Variants in MMP16 observed in about 807,000 individuals in gnomAD.
MMP16 encodes matrix metalloproteinase-16.
MMP16 carries 12 observed loss-of-function variants against 67.8 expected under a neutral mutation model. The observed-to-expected ratio is 0.18, with a 90% CI of 0.11 to 0.29. MMP16 has a LOEUF of 0.29. Among genes scored for constraint, MMP16 ranks in the 10% least tolerant of loss-of-function variants. The probability of loss-of-function intolerance (pLI) is 1.00; values close to 1 mark genes in which losing one functional copy is unlikely to be tolerated. For synonymous variants in MMP16, 249 were observed against 255.9 expected, an observed-to-expected ratio of 0.97 and a Z score of 0.26; for missense variants, 475 against 765.7, an observed-to-expected ratio of 0.62 and a Z score of 4.48.
intron 1 of MMP16, among the ~76,000 whole-genome samples, chr8:88,292,833 C>G (rs963624731): frequency 1.3e-5 from 2 of 152,060 alleles, no homozygotes; most frequent in Admixed American, 1.3e-4. Context: ...ATAACAAAAA[C>G]CTATAAGCCT....
At chr8:88,267,172 T>C (rs758861674) in intron 1 of MMP16, among the ~76,000 whole-genome samples, 1 of 152,206 alleles carries the variant, frequency 6.6e-6, no homozygotes, top group Non-Finnish European at 1.5e-5. Flanking sequence ...AATATTCATA[T>C]AGTATATATG....
intron 1 of MMP16, among the ~76,000 whole-genome samples, chr8:88,264,356 C>A (rs1464866443): frequency 6.6e-6 from 1 of 152,106 alleles, no homozygotes; most frequent in Admixed American, 6.5e-5. Flanking sequence ...TGCATCACCA[C>A]ACCCGGCTGA....
chr8:88,155,749 T>C (rs759820146), intron 4 of MMP16, among the ~76,000 whole-genome samples: 1 of 152,156 alleles, frequency 6.6e-6, no homozygotes, highest in Non-Finnish European at 1.5e-5. Context: ...AATAACAGGC[T>C]TTTGTTTCCT....
chr8:88,214,123 G>GTA (rs1319476337), intron 1 of MMP16, among the ~76,000 whole-genome samples: 4 of 152,132 alleles, frequency 2.6e-5, no homozygotes, highest in African/African-American at 9.7e-5. Context: ...ACTCCTCCAT[G>GTA]TATAGCTCAA....
At chr8:88,233,006 C>T (rs1219562276) in intron 1 of MMP16, among the ~76,000 whole-genome samples, 1 of 152,108 alleles carries the variant, frequency 6.6e-6, no homozygotes, top group Non-Finnish European at 1.5e-5. Context: ...TCTGGCTCTC[C>T]CACTTATTAT....
At chr8:88,176,597 G>C (rs867857019) in intron 3 of MMP16, among the ~76,000 whole-genome samples, 23 of 152,180 alleles carry the variant, frequency 1.5e-4, no homozygotes, top group Admixed American at 2.6e-4. Flanking sequence ...TATGGTAAGG[G>C]GTAGGTATGA....
chr8:88,099,126 C>CA (rs1364460678), intron 6 of MMP16, among the ~76,000 whole-genome samples: 1 of 151,330 alleles, frequency 6.6e-6, no homozygotes, highest in Non-Finnish European at 1.5e-5. Context: ...TTCATATATT[C>CA]AAATTCTATG....
At chr8:88,207,927 T>G (rs1381748709) in intron 1 of MMP16, among the ~76,000 whole-genome samples, 1 of 152,182 alleles carries the variant, frequency 6.6e-6, no homozygotes. Flanking sequence ...AAAAGGAAGG[T>G]GAAGGTTCTA....
chr8:88,237,245 T>C (rs978178378), intron 1 of MMP16, among the ~76,000 whole-genome samples: 2 of 152,170 alleles, frequency 1.3e-5, no homozygotes, highest in African/African-American at 4.8e-5. Context: ...CTACCTTATT[T>C]TATAGATGCA....
At chr8:88,102,449 C>G (rs947645964) in intron 6 of MMP16, among the ~76,000 whole-genome samples, 1 of 151,808 alleles carries the variant, frequency 6.6e-6, no homozygotes, top group African/African-American at 2.4e-5. Flanking sequence ...TATTTCCTCC[C>G]TGGGCATGCC....
At chr8:88,266,041 AC>A in intron 1 of MMP16, among the ~76,000 whole-genome samples, 1 of 152,346 alleles carries the variant, frequency 6.6e-6, no homozygotes, top group African/African-American at 2.4e-5. Flanking sequence ...ATGGGACACC[AC>A]TGGCATTCTG....
At chr8:88,148,610 C>A (rs535379849) in intron 4 of MMP16, among the ~76,000 whole-genome samples, 1 of 152,160 alleles carries the variant, frequency 6.6e-6, no homozygotes, top group African/African-American at 2.4e-5. Context: ...ATTTCACACA[C>A]GCTCACCACT....
At chr8:88,186,998 A>G (rs1322059372) in intron 2 of MMP16, among the ~76,000 whole-genome samples, 2 of 152,190 alleles carry the variant, frequency 1.3e-5, no homozygotes, top group African/African-American at 2.4e-5. Flanking sequence ...TTTAACATTC[A>G]AAGATTATTC....
At chr8:88,048,935 G>C (rs1364778650) in intron 8 of MMP16, among the ~76,000 whole-genome samples, 3 of 152,190 alleles carry the variant, frequency 2.0e-5, no homozygotes, top group African/African-American at 2.4e-5. Context: ...CTGTGCAAAA[G>C]GCTTTCCTAT....
At chr8:88,124,284 T>C (rs541878763) in intron 4 of MMP16, among the ~76,000 whole-genome samples, 99 of 152,118 alleles carry the variant, frequency 6.5e-4, no homozygotes, top group African/African-American at 2.3e-3. Context: ...TATCAGTTAA[T>C]AGTCATACGT....
chr8:88,237,485 A>T (rs1809960308), intron 1 of MMP16, among the ~76,000 whole-genome samples: 1 of 152,108 alleles, frequency 6.6e-6, no homozygotes, highest in Non-Finnish European at 1.5e-5. Context: ...CGTCTCTACT[A>T]AATATACAAA....
intron 1 of MMP16, among the ~76,000 whole-genome samples, chr8:88,246,886 A>T (rs1810121236): frequency 6.6e-6 from 1 of 152,182 alleles, no homozygotes; most frequent in African/African-American, 2.4e-5. Context: ...GTCAAAAATA[A>T]ATTTTAAACA....
At chr8:88,207,340 T>C (rs1452689419) in intron 1 of MMP16, among the ~76,000 whole-genome samples, 1 of 152,188 alleles carries the variant, frequency 6.6e-6, no homozygotes, top group Non-Finnish European at 1.5e-5. Context: ...CCTGTTGCTA[T>C]TGCAGTGAGC....
chr8:88,245,748 T>C (rs1810104235), intron 1 of MMP16, among the ~76,000 whole-genome samples: 1 of 152,122 alleles, frequency 6.6e-6, no homozygotes, highest in Middle Eastern at 3.2e-3. Context: ...CAGGCAATGA[T>C]GAAGGGAACA....
Sources: gnomAD v4.1 joint callset for allele counts (sites outside exome capture counted in the v4.1 genomes callset) on GRCh38, gnomAD v4.1.1 for gene constraint, MANE v1.5 for transcripts, NCBI Gene and HGNC (gene_info 2026-07-23, HGNC 2026-07-21) for gene names.